The following INPP4B variants were observed in gnomAD, a reference collection of about 807,000 sequenced individuals.
The protein encoded by INPP4B is inositol polyphosphate-4-phosphatase type II B.
Under a neutral mutation model 122.5 loss-of-function variants are expected in INPP4B, and 55 were observed. The ratio of observed to expected loss-of-function variants is 0.45; its 90% CI spans 0.36 to 0.56. The LOEUF is 0.56. Ranked by LOEUF, INPP4B falls within the 20% of genes least tolerant of loss-of-function variation. INPP4B has a pLI of 0.00. For missense variants in INPP4B, 1,000 were observed against 1,097.7 expected (o/e 0.91, Z 1.26); for synonymous variants, 403 against 388.7 (o/e 1.04, Z -0.43).
At chr4:142,240,757 T>C (rs1858957568) in intron 11 of INPP4B, among the ~76,000 whole-genome samples, 1 of 152,148 alleles carries the variant, frequency 6.6e-6, no homozygotes, top group Admixed American at 6.5e-5. Flanking sequence ...ATACCTCCTA[T>C]GTATCATAAA....
chr4:142,356,779 C>A (rs572218496), intron 7 of INPP4B, among the ~76,000 whole-genome samples: 1 of 151,870 alleles, frequency 6.6e-6, no homozygotes, highest in South Asian at 2.1e-4. Flanking sequence ...TGAGGTGACT[C>A]TTGGTGGGAT....
intron 1 of INPP4B, among the ~76,000 whole-genome samples, chr4:142,752,495 A>G (rs1373160965): frequency 6.6e-6 from 1 of 152,198 alleles, no homozygotes; most frequent in Middle Eastern, 3.4e-3. Flanking sequence ...TCATGTGTCA[A>G]AAGTGAACAC....
At chr4:142,737,576 C>T (rs1468252598) in intron 1 of INPP4B, among the ~76,000 whole-genome samples, 1 of 152,084 alleles carries the variant, frequency 6.6e-6, no homozygotes, top group Non-Finnish European at 1.5e-5. Flanking sequence ...TCTAAAACAC[C>T]AAAAGCAATG....
intron 5 of INPP4B, chr4:142,426,611 C>CA (rs1281962054): frequency 6.6e-6 from 1 of 151,904 alleles, no homozygotes; most frequent in African/African-American, 2.4e-5. Context: ...ATTAGCTGCT[C>CA]AATTGACTAA....
At chr4:142,038,233 A>G (rs1745171563) in intron 25 of INPP4B, among the ~76,000 whole-genome samples, 1 of 152,198 alleles carries the variant, frequency 6.6e-6, no homozygotes, top group Admixed American at 6.5e-5. Flanking sequence ...ATAAGGGAAT[A>G]TCATGAGTGA....
chr4:142,166,102 T>G (rs969806525), intron 16 of INPP4B, among the ~76,000 whole-genome samples: 24 of 151,764 alleles, frequency 1.6e-4, no homozygotes, highest in African/African-American at 5.6e-4. Flanking sequence ...GCATTATTAT[T>G]CTGATACAAA....
At chr4:142,617,757 A>C (rs1744031828) in intron 2 of INPP4B, among the ~76,000 whole-genome samples, 1 of 152,078 alleles carries the variant, frequency 6.6e-6, no homozygotes, top group Non-Finnish European at 1.5e-5. Flanking sequence ...AAAAATAGTT[A>C]CAATATAAAT....
intron 2 of INPP4B, among the ~76,000 whole-genome samples, chr4:142,578,929 C>T (rs1019841301): frequency 6.6e-6 from 1 of 151,890 alleles, no homozygotes; most frequent in African/African-American, 2.4e-5. Context: ...AATTTAAGTT[C>T]CCAGGGAATC....
chr4:142,257,363 G>C (rs1172490740), intron 11 of INPP4B, among the ~76,000 whole-genome samples: 2 of 152,066 alleles, frequency 1.3e-5, no homozygotes, highest in East Asian at 3.9e-4. Context: ...AGGGCAATTA[G>C]GCAGGAGAAG....
chr4:142,720,163 A>C (rs912568150), intron 2 of INPP4B, among the ~76,000 whole-genome samples: 2 of 152,236 alleles, frequency 1.3e-5, no homozygotes, highest in Non-Finnish European at 2.9e-5. Context: ...TGTGAACAGA[A>C]ACTGGTTTAG....
intron 15 of INPP4B, among the ~76,000 whole-genome samples, chr4:142,176,151 A>ATTATTATTATTT: frequency 6.8e-6 from 1 of 147,580 alleles, no homozygotes; most frequent in Admixed American, 6.8e-5. Flanking sequence ...TATTATTATT[A>ATTATTATTATTT]TTATACTTTA....
At chr4:142,230,000 C>T (rs1323384441) in intron 12 of INPP4B, among the ~76,000 whole-genome samples, 1 of 151,954 alleles carries the variant, frequency 6.6e-6, no homozygotes, top group African/African-American at 2.4e-5. Context: ...TAGAAGAAAC[C>T]AAGGTACCAC....
At chr4:142,097,278 G>C (rs1782354243) in intron 23 of INPP4B, among the ~76,000 whole-genome samples, 1 of 47,374 alleles carries the variant, frequency 2.1e-5, no homozygotes, top group Non-Finnish European at 5.5e-5. Flanking sequence ...TTTTGAGACG[G>C]AGTTTCGCTC....
intron 1 of INPP4B, among the ~76,000 whole-genome samples, chr4:142,832,221 G>A (rs1007259134): frequency 1.6e-4 from 24 of 152,120 alleles, no homozygotes; most frequent in Admixed American, 1.6e-3. Context: ...AAATGACCGT[G>A]TAAATGAAGC....
intron 7 of INPP4B, among the ~76,000 whole-genome samples, chr4:142,320,589 GC>G (rs1430302246): frequency 6.6e-6 from 1 of 152,114 alleles, no homozygotes; most frequent in African/African-American, 2.4e-5. Context: ...AGATTTTGGT[GC>G]ACCCATCACC....
chr4:142,388,002 G>A (rs927324795), intron 7 of INPP4B, among the ~76,000 whole-genome samples: 6 of 152,188 alleles, frequency 3.9e-5, no homozygotes, highest in Non-Finnish European at 5.9e-5. Flanking sequence ...TCTGGTTAAT[G>A]TCTGTGCGAC....
At chr4:142,785,951 A>C (rs1775708354) in intron 1 of INPP4B, among the ~76,000 whole-genome samples, 1 of 152,118 alleles carries the variant, frequency 6.6e-6, no homozygotes, top group South Asian at 2.1e-4. Flanking sequence ...GCATTTAGAG[A>C]AATAAGGATA....
chr4:142,617,302 CCTGGCTGTGGAAAG>C (rs1355963269), intron 2 of INPP4B, among the ~76,000 whole-genome samples: 3 of 152,010 alleles, frequency 2.0e-5, no homozygotes, highest in Non-Finnish European at 4.4e-5. Context: ...TCATCCATTC[CCTGGCTGTGGAAAG>C]ATGAACATAG....
At chr4:142,698,373 C>A (rs1427976329) in intron 2 of INPP4B, among the ~76,000 whole-genome samples, 2 of 151,474 alleles carry the variant, frequency 1.3e-5, no homozygotes, top group African/African-American at 4.9e-5. Context: ...CAGTGTTATT[C>A]TTGTCATAAC....
Sources: allele counts gnomAD v4.1 joint callset (sites outside exome capture counted in the v4.1 genomes callset), GRCh38; gene constraint gnomAD v4.1.1; transcripts MANE v1.5; gene names NCBI Gene and HGNC (gene_info 2026-07-23, HGNC 2026-07-21).